The following SUGCT variants were observed in gnomAD, a reference collection of about 807,000 sequenced individuals.
The protein encoded by SUGCT is succinyl-CoA:glutarate-CoA transferase.
Under a neutral mutation model 55.0 loss-of-function variants are expected in SUGCT, and 41 were observed. That is an observed-to-expected ratio of 0.74 (90% CI 0.58 to 0.97). SUGCT has a LOEUF of 0.97. Among genes scored for constraint, SUGCT ranks in the 50% least tolerant of loss-of-function variants. The pLI, the probability that SUGCT is intolerant of heterozygous loss-of-function variation, is 0.00. For missense variants in SUGCT, 568 were observed against 547.8 expected (o/e 1.04, Z -0.37); for synonymous variants, 187 against 200.4 (o/e 0.93, Z 0.56).
In SUGCT at chr7:40,249,747, A is replaced by T. The variant is rs985974068; in HGVS notation, c.576+12021A>T. On this transcript the variant is annotated intron_variant, in intron 7 of 13. Coordinates refer to ENST00000335693, the MANE Select transcript of SUGCT (RefSeq NM_001193313.2). ...AGTTAGAGTCAGAGTTAATGGTGGA[A>T]TAACTTAACTGCTAGTTTTATTTAT... 2.0e-5 allele frequency among the ~76,000 whole-genome samples: 3 copies of T among 152,146 alleles called. No homozygotes were observed. In the East Asian group the frequency reaches 5.8e-4, roughly 29 times the overall value.
At chr7:40,260,779 G>A (rs149368624) in intron 7 of SUGCT, among the ~76,000 whole-genome samples, 58 of 152,244 alleles carry the variant, frequency 3.8e-4, no homozygotes, top group Non-Finnish European at 7.1e-4. Flanking sequence ...AGCCTCCCGA[G>A]TAGCTGGGAC....
At chr7:40,542,659 A>T in intron 12 of SUGCT, among the ~76,000 whole-genome samples, 1 of 152,176 alleles carries the variant, frequency 6.6e-6, no homozygotes, top group East Asian at 1.9e-4. Context: ...CATCAAGCTA[A>T]ATAAGGAGAA....
rs377561080 is a variant in SUGCT, at chr7:40,338,110, A to G, written c.816+21255A>G. On this transcript the variant is annotated intron_variant, in intron 9 of 13. Transcript: ENST00000335693. Reference sequence around the variant, plus strand: ...CTTCTGGCTTGTAGAGTTTCTGCCAATAGATCCGCTGTTAGTCTGATGGGC... The same window carrying G: ...CTTCTGGCTTGTAGAGTTTCTGCCAGTAGATCCGCTGTTAGTCTGATGGGC... Among the ~76,000 whole-genome samples, 112 of 152,324 alleles carry G rather than the reference A, an allele frequency of 7.4e-4. 2 individuals carry two copies. The East Asian group carries it at 0.015, about 21-fold the overall frequency.
chr7:40,865,164 T>C (rs1325158332), downstream of SUGCT, among the ~76,000 whole-genome samples: 1 of 151,754 alleles, frequency 6.6e-6, no homozygotes, highest in African/African-American at 2.4e-5. Flanking sequence ...CTCCTCTCTT[T>C]TCTCCTTTCT....
At chr7:40,590,554 C>G (rs998948070) in intron 12 of SUGCT, among the ~76,000 whole-genome samples, 1 of 152,182 alleles carries the variant, frequency 6.6e-6, no homozygotes, top group African/African-American at 2.4e-5. Context: ...GAAGATCTAG[C>G]TAAGATAATT....
At chr7:40,171,813 T>G (rs922432881) in intron 1 of SUGCT, among the ~76,000 whole-genome samples, 2 of 152,250 alleles carry the variant, frequency 1.3e-5, no homozygotes, top group African/African-American at 4.8e-5. Flanking sequence ...GTTTTCAGGC[T>G]ACGCCCTTGT....
intron 9 of SUGCT, among the ~76,000 whole-genome samples, chr7:40,339,553 G>C (rs1474022951): frequency 6.6e-6 from 1 of 152,174 alleles, no homozygotes; most frequent in African/African-American, 2.4e-5. Flanking sequence ...GCCAGGTGTG[G>C]GATATAATCT....
intron 9 of SUGCT, among the ~76,000 whole-genome samples, chr7:40,319,984 G>A (rs1354171617): frequency 6.6e-6 from 1 of 152,070 alleles, no homozygotes; most frequent in Non-Finnish European, 1.5e-5. Context: ...ACAGTGTCTG[G>A]CAGGTTTCAG....
At chr7:40,755,442 G>A (rs1306375084) in intron 13 of SUGCT, among the ~76,000 whole-genome samples, 1 of 152,222 alleles carries the variant, frequency 6.6e-6, no homozygotes, top group Non-Finnish European at 1.5e-5. Flanking sequence ...GGGCCATTAT[G>A]TAAATTTCAC....
intron 8 of SUGCT, among the ~76,000 whole-genome samples, chr7:40,291,360 A>T (rs1042433971): frequency 6.6e-6 from 1 of 151,112 alleles, no homozygotes; most frequent in Non-Finnish European, 1.5e-5. Context: ...TTGCAGGGAC[A>T]TGGATGAAAC....
At chr7:40,656,516 C>T (rs1801024858) in intron 12 of SUGCT, among the ~76,000 whole-genome samples, 1 of 152,182 alleles carries the variant, frequency 6.6e-6, no homozygotes, top group Non-Finnish European at 1.5e-5. Flanking sequence ...CCTAAGAAAA[C>T]TCTTCCTTCT....
intron 11 of SUGCT, among the ~76,000 whole-genome samples, chr7:40,465,436 C>G (rs1583751790): frequency 6.6e-6 from 1 of 151,954 alleles, no homozygotes; most frequent in African/African-American, 2.4e-5. Context: ...ATGGTGAAAC[C>G]CTGTCTCTAC....
At chr7:40,931,497 G>C in the SUGCT span, among the ~76,000 whole-genome samples, 2 of 152,172 alleles carry the variant, frequency 1.3e-5, no homozygotes, top group African/African-American at 2.4e-5. Context: ...AGAAGGAATG[G>C]TACCATCTCC....
chr7:40,999,265 A>G, the SUGCT span, among the ~76,000 whole-genome samples: 1 of 151,938 alleles, frequency 6.6e-6, no homozygotes, highest in East Asian at 1.9e-4. Context: ...TTCCTGAAGC[A>G]AGACCAACCA....
intron 13 of SUGCT, among the ~76,000 whole-genome samples, chr7:40,750,666 G>T (rs1266909545): frequency 6.6e-6 from 1 of 152,126 alleles, no homozygotes; most frequent in Non-Finnish European, 1.5e-5. Flanking sequence ...GAAGAGGGAA[G>T]TATGATGAAT....
chr7:40,269,505 T>C (rs1791863248), intron 7 of SUGCT, among the ~76,000 whole-genome samples: 1 of 151,968 alleles, frequency 6.6e-6, no homozygotes, highest in Non-Finnish European at 1.5e-5. Flanking sequence ...GTATTTATCG[T>C]AGAGATGTGG....
chr7:40,339,079 A>C (rs576719631), intron 9 of SUGCT, among the ~76,000 whole-genome samples: 1 of 152,158 alleles, frequency 6.6e-6, no homozygotes, highest in African/African-American at 2.4e-5. Flanking sequence ...CTGAACAGCA[A>C]ATGTTACTGC....
At chr7:40,297,651 A>G (rs1327268523) in intron 8 of SUGCT, among the ~76,000 whole-genome samples, 1 of 152,190 alleles carries the variant, frequency 6.6e-6, no homozygotes, top group Non-Finnish European at 1.5e-5. Flanking sequence ...ACACTGAAAC[A>G]AAGCTCAACA....
chr7:40,737,105 C>T (rs550941490), intron 12 of SUGCT, among the ~76,000 whole-genome samples: 9 of 152,232 alleles, frequency 5.9e-5, no homozygotes, highest in South Asian at 2.1e-4. Context: ...CTAGTGAATG[C>T]GCAGGGGCAC....
Sources: allele counts gnomAD v4.1 joint callset (sites outside exome capture counted in the v4.1 genomes callset), GRCh38; gene constraint gnomAD v4.1.1; transcripts MANE v1.5; gene names NCBI Gene and HGNC (gene_info 2026-07-23, HGNC 2026-07-21).